PRKAR1B: variants seen among roughly 807,000 people sequenced by gnomAD.
PRKAR1B encodes cAMP-dependent protein kinase type I-beta regulatory subunit.
In PRKAR1B, 22 loss-of-function variants were observed where a neutral mutation model predicts 46.5. The observed-to-expected ratio is 0.47, with a 90% CI of 0.34 to 0.68. The LOEUF (loss-of-function observed/expected upper bound fraction) is 0.68. PRKAR1B is among the 30% of genes least tolerant of loss of function. PRKAR1B has a pLI of 0.01. For missense variants in PRKAR1B, 445 were observed against 535.6 expected (o/e 0.83, Z 1.67); for synonymous variants, 259 against 217.7 (o/e 1.19, Z -1.67).
intron 9 of PRKAR1B, among the ~76,000 whole-genome samples, chr7:555,813 G>A (rs925444680): frequency 6.6e-6 from 1 of 152,216 alleles, no homozygotes. Flanking sequence ...GTCACCCGTG[G>A]TGGTGGCCAG....
chr7:606,342 G>A (rs183388965), intron 5 of PRKAR1B, 103 bp from the exon 6 acceptor site: 56 of 954,170 alleles, frequency 5.9e-5, no homozygotes, highest in African/African-American at 4.1e-4. Context: ...AGAGACCCTC[G>A]AAGCAACATC....
At chr7:563,337 A>G (rs1285084692) in intron 9 of PRKAR1B, among the ~76,000 whole-genome samples, 1 of 152,240 alleles carries the variant, frequency 6.6e-6, no homozygotes, top group Non-Finnish European at 1.5e-5. Context: ...AACCCTCCAC[A>G]GGCTGCCTCT....
chr7:723,039 A>T (rs1312315541), intron 1 of PRKAR1B, among the ~76,000 whole-genome samples: 1 of 152,018 alleles, frequency 6.6e-6, no homozygotes, highest in Non-Finnish European at 1.5e-5. Context: ...CAGGGGTGAA[A>T]GGTACCTCCC....
At position 625,865 on chromosome 7, in the gene PRKAR1B, G is replaced by A. The variant is rs576363772; in HGVS notation, c.441-18413C>T. ...TAGTAAAAAATACACAAAATTAGCTGGGCATGGTGGCAGGCACCTGTAATC... is the reference window on the plus strand; with the variant it reads ...TAGTAAAAAATACACAAAATTAGCTAGGCATGGTGGCAGGCACCTGTAATC... On this transcript the variant is annotated intron_variant, in intron 4 of 10. Coordinates refer to ENST00000537384, the MANE Select transcript of PRKAR1B (RefSeq NM_001164760.2). Among the ~76,000 whole-genome samples the A allele has an allele frequency of 3.9e-4, 59 of 152,178 alleles. 2 individuals carry two copies. In the South Asian group the frequency reaches 0.012, roughly 31 times the overall value.
At chr7:704,364 C>T (rs929486453) in intron 2 of PRKAR1B, among the ~76,000 whole-genome samples, 2 of 152,184 alleles carry the variant, frequency 1.3e-5, no homozygotes, top group East Asian at 3.8e-4. Flanking sequence ...AAAACCATCT[C>T]AGAAAACCAC....
chr7:634,249 C>A lies in PRKAR1B; in HGVS notation c.441-26797G>T, dbSNP rs1783916819. On this transcript the variant is annotated intron_variant, in intron 4 of 10. Coordinates refer to ENST00000537384, the MANE Select transcript of PRKAR1B (RefSeq NM_001164760.2). ...GTGTTGGCCAGGCTGGTCTCGAACT[C>A]CTGACCTTGTGATCCGCCCGCCTCA... Among the ~76,000 whole-genome samples the A allele has an allele frequency of 1.3e-5, 2 of 152,092 alleles. 1 individual carries two copies. The highest frequency in any genetic ancestry group is 4.1e-4 in the South Asian group (2 of 4,826).
At chr7:660,533 G>A (rs1256953266) in intron 4 of PRKAR1B, among the ~76,000 whole-genome samples, 386 of 85,912 alleles carry the variant, frequency 4.5e-3, no homozygotes, top group South Asian at 9.0e-3. Flanking sequence ...CCATGGCACA[G>A]GTCCCCACCC....
intron 9 of PRKAR1B, among the ~76,000 whole-genome samples, chr7:561,501 C>T (rs921749170): frequency 2.0e-5 from 3 of 152,228 alleles, no homozygotes; most frequent in Non-Finnish European, 2.9e-5. Context: ...CTCCTCGGAG[C>T]GCTCCTGAGC....
intron 9 of PRKAR1B, among the ~76,000 whole-genome samples, chr7:571,060 T>G (rs572380965): frequency 7.1e-4 from 108 of 152,304 alleles, no homozygotes; most frequent in African/African-American, 2.6e-3. Context: ...CATGTATGGC[T>G]TAGGCCCCTG....
intron 9 of PRKAR1B, among the ~76,000 whole-genome samples, chr7:563,827 G>C (rs149470138): frequency 6.6e-6 from 1 of 151,844 alleles, no homozygotes; most frequent in Non-Finnish European, 1.5e-5. Flanking sequence ...CTGTGTCCAT[G>C]TGCACACGGA....
chr7:550,658 G>C, intron 10 of PRKAR1B, 56 bp from the exon 11 acceptor site: 3 of 1,433,476 alleles, frequency 2.1e-6, no homozygotes, highest in Non-Finnish European at 2.8e-6. Flanking sequence ...GGCTGCAGCA[G>C]GGAAAGATTA....
Position 608,471 on chromosome 7 carries a change from T to C in PRKAR1B, c.441-1019A>G, listed in dbSNP as rs537548846. The C allele has an allele frequency of 4.6e-5, 7 of 152,374 alleles. No individual in the cohort carries two copies. The South Asian group carries it at 1.4e-3, about 32-fold the overall frequency. 9.4% of individuals were successfully genotyped at this position (152,374 alleles called of 1,614,324 possible). On this transcript the variant is annotated intron_variant, in intron 4 of 10. Transcript: ENST00000537384. ...CCTGATTCCAGGGTCCATAAATAAG[T>C]CATTCTTAAAATAGTGGTTGTTTTC...
At chr7:615,971 A>C (rs112562406) in intron 4 of PRKAR1B, among the ~76,000 whole-genome samples, 7,291 of 150,466 alleles carry the variant, frequency 0.048, 546 homozygotes, top group African/African-American at 0.17. Context: ...AAAGAAACAG[A>C]AAGAGAGAAA....
intron 8 of PRKAR1B, among the ~76,000 whole-genome samples, chr7:584,103 C>A (rs1780463480): frequency 6.6e-6 from 1 of 152,194 alleles, no homozygotes; most frequent in Non-Finnish European, 1.5e-5. Flanking sequence ...TAGAAGGGAA[C>A]TAGCACAGGT....
intron 9 of PRKAR1B, among the ~76,000 whole-genome samples, chr7:566,101 G>C (rs1457758517): frequency 1.9e-5 from 2 of 105,284 alleles, no homozygotes; most frequent in African/African-American, 7.0e-5. Flanking sequence ...GTTTGAAACA[G>C]AGTAAAAGCT....
intron 2 of PRKAR1B, among the ~76,000 whole-genome samples, chr7:688,072 G>A (rs1375924027): frequency 7.1e-6 from 1 of 141,292 alleles, no homozygotes; most frequent in Non-Finnish European, 1.5e-5. Flanking sequence ...CTCCAGCCTG[G>A]GCGACAAACC....
chr7:669,200 T>C (rs1786088816), intron 4 of PRKAR1B, among the ~76,000 whole-genome samples: 1 of 152,358 alleles, frequency 6.6e-6, no homozygotes, highest in Admixed American at 6.5e-5. Flanking sequence ...TTGAAAACAC[T>C]GTGCTCAGTG....
At position 578,929 on chromosome 7, in the gene PRKAR1B, G is replaced by A. The variant is rs557789252; in HGVS notation, c.891+327C>T. 20 of 874,460 alleles carry A rather than the reference G, an allele frequency of 2.3e-5. 1 individual carries two copies. The South Asian group carries it at 3.1e-4, about 13-fold the overall frequency. 54.2% of individuals were successfully genotyped at this position (874,460 alleles called of 1,614,324 possible). ...ACTCCTGACCTCAGGTGATCCACCCGCCTCAGCCTCCCACAGTGCTGGGAT... is the reference window on the plus strand; with the variant it reads ...ACTCCTGACCTCAGGTGATCCACCCACCTCAGCCTCCCACAGTGCTGGGAT... On this transcript the variant is annotated intron_variant, in intron 9 of 10. Coordinates refer to ENST00000537384, the MANE Select transcript of PRKAR1B (RefSeq NM_001164760.2).
chr7:591,636 G>A (rs1174022709), intron 7 of PRKAR1B, among the ~76,000 whole-genome samples: 1 of 152,202 alleles, frequency 6.6e-6, no homozygotes, highest in Non-Finnish European at 1.5e-5. Flanking sequence ...GGTCGCTTGA[G>A]CTCATGAGTT....
Sources: allele counts gnomAD v4.1 joint callset (sites outside exome capture counted in the v4.1 genomes callset), GRCh38; gene constraint gnomAD v4.1.1; transcripts MANE v1.5; gene names NCBI Gene and HGNC (gene_info 2026-07-23, HGNC 2026-07-21).